Variants in LRBA observed in about 807,000 individuals in gnomAD.
LRBA encodes the protein LPS responsive beige-like anchor protein.
Under a neutral mutation model 330.0 loss-of-function variants are expected in LRBA, and 176 were observed. The ratio of observed to expected loss-of-function variants is 0.53; its 90% CI spans 0.47 to 0.60. The LOEUF is 0.60. Among genes scored for constraint, LRBA ranks in the 20% least tolerant of loss-of-function variants. The pLI, the probability that LRBA is intolerant of heterozygous loss-of-function variation, is 0.00. For synonymous variants in LRBA, 1,230 were observed against 1,193.0 expected (o/e 1.03, Z -0.64); for missense variants, 3,259 against 3,444.8 (o/e 0.95, Z 1.35).
At chr4:150,842,531 A>G (rs1451412359) in intron 28 of LRBA, among the ~76,000 whole-genome samples, 1 of 152,214 alleles carries the variant, frequency 6.6e-6, no homozygotes, top group Non-Finnish European at 1.5e-5. Context: ...GCCCAATGGA[A>G]AAAAAGTGAA....
At chr4:150,968,008 T>G (rs1048392255) in intron 2 of LRBA, among the ~76,000 whole-genome samples, 3 of 150,044 alleles carry the variant, frequency 2.0e-5, no homozygotes, top group Admixed American at 1.3e-4. Flanking sequence ...ACATCTTTTT[T>G]TTTTTTTTTT....
At chr4:150,547,594 C>T (rs1236885164) in intron 40 of LRBA, among the ~76,000 whole-genome samples, 1 of 152,100 alleles carries the variant, frequency 6.6e-6, no homozygotes, top group Non-Finnish European at 1.5e-5. Context: ...TTTTCTAAAG[C>T]TTTATTTCTG....
intron 40 of LRBA, among the ~76,000 whole-genome samples, chr4:150,541,847 T>C (rs563537519): frequency 6.6e-6 from 1 of 152,222 alleles, no homozygotes; most frequent in South Asian, 2.1e-4. Flanking sequence ...CCTGGCTAAT[T>C]TAAAAAAAAT....
chr4:150,313,263 C>T (rs1281576782), intron 51 of LRBA, among the ~76,000 whole-genome samples: 1 of 151,880 alleles, frequency 6.6e-6, no homozygotes, highest in Non-Finnish European at 1.5e-5. Flanking sequence ...TTTTTAGAAA[C>T]AGAAAATATT....
At chr4:150,942,775 AT>A (rs1371070105) in intron 2 of LRBA, among the ~76,000 whole-genome samples, 2 of 152,116 alleles carry the variant, frequency 1.3e-5, no homozygotes, top group Non-Finnish European at 1.5e-5. Flanking sequence ...CAAAAAAAAA[AT>A]GTGTCCATTC....
At chr4:150,846,898 G>A (rs1749926320) in intron 26 of LRBA, among the ~76,000 whole-genome samples, 1 of 152,082 alleles carries the variant, frequency 6.6e-6, no homozygotes, top group Non-Finnish European at 1.5e-5. Flanking sequence ...GAAAAACTAG[G>A]AACATAGAGT....
At chr4:150,507,988 A>G (rs1219946374) in intron 40 of LRBA, among the ~76,000 whole-genome samples, 1 of 150,104 alleles carries the variant, frequency 6.7e-6, no homozygotes, top group Non-Finnish European at 1.5e-5. Context: ...ACAAAAAACC[A>G]AACACCGCAT....
In LRBA at chr4:150,863,707, G is replaced by A. The variant is rs577866965; in HGVS notation, c.2766+3964C>T. On this transcript the variant is annotated intron_variant, in intron 22 of 56. Transcript: ENST00000651943. ...TACTATAAATCAGGATTCACACCCT[G>A]TCTCCAAAGTCCACATTCTTTCATT... Among the ~76,000 whole-genome samples the A allele has an allele frequency of 2.0e-5, 3 of 152,184 alleles. No individual in the cohort carries two copies. The East Asian group carries it at 5.8e-4, about 29-fold the overall frequency.
intron 51 of LRBA, among the ~76,000 whole-genome samples, chr4:150,312,869 C>G (rs1429687174): frequency 1.3e-5 from 2 of 152,012 alleles, no homozygotes; most frequent in Non-Finnish European, 2.9e-5. Flanking sequence ...AAGTGAGTAA[C>G]ACTGCTCAGA....
intron 37 of LRBA, among the ~76,000 whole-genome samples, chr4:150,601,469 AT>A (rs1381160841): frequency 6.6e-6 from 1 of 152,158 alleles, no homozygotes; most frequent in Admixed American, 6.5e-5. Context: ...GATAATATCT[AT>A]AGCAAAAATA....
chr4:150,733,106 A>G (rs1339806120), intron 36 of LRBA, among the ~76,000 whole-genome samples: 2 of 152,088 alleles, frequency 1.3e-5, no homozygotes, highest in Admixed American at 1.3e-4. Context: ...TGTTATTTTA[A>G]TGGAGTGCTT....
Position 150,321,104 on chromosome 4 carries a change from C to A in LRBA, c.7630+87G>T. 8.0e-7 allele frequency: 1 copy of A among 1,249,934 alleles called. No homozygotes were observed. Among genetic ancestry groups the A allele is most frequent in the African/African-American group, 1.6e-5 (1 of 63,610 alleles). The allele number at this position is 1,249,934 out of a possible 1,614,324, so 77.4% of individuals were successfully genotyped here. On this transcript the variant is annotated intron_variant, in intron 50 of 56. Coordinates refer to ENST00000651943, the MANE Select transcript of LRBA (RefSeq NM_001364905.1). The surrounding 1 kb of genome is among the most constrained non-coding windows in gnomAD (Gnocchi z 4.5). ...CAGACTAATGCTTGAAAATTAAAAG[C>A]TTAAATGTTGAGATATGCTATATTT...
At chr4:150,909,915 A>G in intron 9 of LRBA, among the ~76,000 whole-genome samples, 1 of 152,124 alleles carries the variant, frequency 6.6e-6, no homozygotes, top group Non-Finnish European at 1.5e-5. Context: ...GTCTAGTGAT[A>G]TTGAGCATCT....
At chr4:150,631,420 C>T (rs1254365729) in intron 37 of LRBA, among the ~76,000 whole-genome samples, 3 of 151,888 alleles carry the variant, frequency 2.0e-5, no homozygotes, top group African/African-American at 7.3e-5. Context: ...GGAAGGCATC[C>T]AATTTAGGAA....
chr4:150,815,180 G>A (rs942657755), intron 31 of LRBA, among the ~76,000 whole-genome samples: 13 of 151,662 alleles, frequency 8.6e-5, no homozygotes, highest in South Asian at 4.1e-4. Flanking sequence ...TTTAAAAGAC[G>A]GCAGGTAAAT....
chr4:150,358,267 GC>G (rs943250946), intron 47 of LRBA, among the ~76,000 whole-genome samples: 6 of 152,136 alleles, frequency 3.9e-5, no homozygotes, highest in African/African-American at 9.6e-5. Flanking sequence ...TAAATGCAGA[GC>G]TAATATGCTT....
At chr4:150,775,805 G>GAAAAAAAAAAAAAAAAAAAAAAAAAAAAA (rs35161747) in intron 34 of LRBA, among the ~76,000 whole-genome samples, 2 of 59,966 alleles carry the variant, frequency 3.3e-5, no homozygotes, top group Admixed American at 2.1e-4. Flanking sequence ...AAGAAAGAAT[G>GAAAAAAAAAAAAAAAAAAAAAAAAAAAAA]AAAAAAAAAA....
chr4:150,923,606 TTAA>T (rs1161092025), intron 4 of LRBA, among the ~76,000 whole-genome samples: 1 of 152,224 alleles, frequency 6.6e-6, no homozygotes, highest in African/African-American at 2.4e-5. Context: ...GTTTATTTGA[TTAA>T]TGTTTCCTTG....
chr4:150,559,822 A>G (rs1401253450), intron 40 of LRBA, among the ~76,000 whole-genome samples: 1 of 63,716 alleles, frequency 1.6e-5, no homozygotes. Flanking sequence ...AATAATATAT[A>G]ATAATATAAA....
Sources: allele counts gnomAD v4.1 joint callset (sites outside exome capture counted in the v4.1 genomes callset), GRCh38; gene constraint gnomAD v4.1.1; non-coding constraint Gnocchi (gnomAD v3.1); transcripts MANE v1.5; gene names NCBI Gene and HGNC (gene_info 2026-07-23, HGNC 2026-07-21).